The following TRHDE variants were observed in gnomAD, a reference collection of about 807,000 sequenced individuals.
TRHDE encodes thyrotropin releasing hormone degrading enzyme.
TRHDE carries 72 observed loss-of-function variants against 125.7 expected under a neutral mutation model. The observed-to-expected ratio is 0.57, with a 90% confidence interval of 0.47 to 0.70. TRHDE has a LOEUF of 0.70. TRHDE is among the 30% of genes least tolerant of loss of function. The pLI is 0.00. For missense variants in TRHDE, 1,110 were observed against 1,327.1 expected (o/e 0.84, Z 2.54); for synonymous variants, 509 against 509.1 (o/e 1.00, Z 0.00).
chr12:72,524,176 G>A (rs1242660865), intron 6 of TRHDE, among the ~76,000 whole-genome samples: 1 of 152,130 alleles, frequency 6.6e-6, no homozygotes, highest in Non-Finnish European at 1.5e-5. Context: ...ACAGCTGAAG[G>A]TGGTTTGATG....
chr12:72,403,907 C>G (rs1873153351), intron 3 of TRHDE, among the ~76,000 whole-genome samples: 1 of 152,064 alleles, frequency 6.6e-6, no homozygotes, highest in South Asian at 2.1e-4. Flanking sequence ...TTTCAGCAGG[C>G]ATTTCTGATT....
chr12:72,380,313 C>T (rs1389050864), intron 3 of TRHDE, among the ~76,000 whole-genome samples: 3 of 152,084 alleles, frequency 2.0e-5, no homozygotes, highest in Non-Finnish European at 4.4e-5. Flanking sequence ...TGAAGACAGA[C>T]ATTAAAGCAA....
At chr12:72,458,530 A>G (rs760495824) in intron 3 of TRHDE, among the ~76,000 whole-genome samples, 61 of 151,956 alleles carry the variant, frequency 4.0e-4, no homozygotes, top group Admixed American at 4.0e-3. Flanking sequence ...GTCTCCTCCC[A>G]TCTATGTGTT....
intron 6 of TRHDE, among the ~76,000 whole-genome samples, chr12:72,516,500 C>CT (rs1365331063): frequency 5.9e-5 from 9 of 152,062 alleles, no homozygotes; most frequent in African/African-American, 2.2e-4. Context: ...ATTTTGTATC[C>CT]TGAGACTTTG....
intron 2 of TRHDE, chr12:72,262,942 A>G (rs1178734889): frequency 6.6e-6 from 1 of 152,152 alleles, no homozygotes; most frequent in East Asian, 1.9e-4. Context: ...TCTTTAGTGC[A>G]GTCTCATTTT....
At chr12:72,120,667 T>C (rs1875556871) in intron 2 of TRHDE, among the ~76,000 whole-genome samples, 1 of 148,580 alleles carries the variant, frequency 6.7e-6, no homozygotes, top group African/African-American at 2.5e-5. Flanking sequence ...ATCCTCCTAC[T>C]CTTTAACTTT....
At chr12:72,572,047 G>A (rs649800) in intron 10 of TRHDE, among the ~76,000 whole-genome samples, 3 of 139,576 alleles carry the variant, frequency 2.1e-5, no homozygotes, top group Non-Finnish European at 3.1e-5. Flanking sequence ...ATTGCTTTAC[G>A]GATCTGTCAG....
Position 72,093,017 on chromosome 12 carries a change from G to C in TRHDE, n.174+5578G>C, listed in dbSNP as rs559390289. On this transcript the variant is annotated intron_variant and non_coding_transcript_variant, in intron 1 of 4. Coordinates refer to the TRHDE transcript ENST00000548156. ...CCCTGTGAGAAGGAGATTAAGTTTT[G>C]ATAGTAGGAGCCCTCAGCATGCACT... Among the ~76,000 whole-genome samples, 3 of 152,276 alleles carry C rather than the reference G, an allele frequency of 2.0e-5. No individual in the cohort carries two copies. In the South Asian group the frequency reaches 6.2e-4, roughly 32 times the overall value.
intron 2 of TRHDE, among the ~76,000 whole-genome samples, chr12:72,164,470 T>C (rs1876702111): frequency 6.6e-6 from 1 of 152,132 alleles, no homozygotes; most frequent in Non-Finnish European, 1.5e-5. Context: ...AATAGGGTCT[T>C]ACATGCAGGG....
intron 9 of TRHDE, among the ~76,000 whole-genome samples, chr12:72,567,901 G>A (rs1432907872): frequency 6.6e-6 from 1 of 152,034 alleles, no homozygotes; most frequent in African/African-American, 2.4e-5. Context: ...GTTACAAAAT[G>A]CTTCTTTTTA....
intron 6 of TRHDE, among the ~76,000 whole-genome samples, chr12:72,525,541 A>G (rs74103379): frequency 0.015 from 2,256 of 151,830 alleles, 58 homozygotes; most frequent in African/African-American, 0.052. Flanking sequence ...TGCCTTTACC[A>G]TATATAATCA....
At chr12:72,502,746 G>A (rs1642275045) in intron 6 of TRHDE, among the ~76,000 whole-genome samples, 1 of 152,100 alleles carries the variant, frequency 6.6e-6, no homozygotes, top group African/African-American at 2.4e-5. Context: ...CTTTCTTGAT[G>A]GGCCTTCATT....
chr12:72,499,433 T>C, intron 5 of TRHDE, 65 bp from the exon 6 acceptor site: 1 of 1,557,674 alleles, frequency 6.4e-7, no homozygotes, highest in East Asian at 2.3e-5. Flanking sequence ...ATTATGTTCA[T>C]GTCATCATAT....
chr12:72,187,098 CAAG>C lies in TRHDE; in HGVS notation n.279+81350_279+81352del, dbSNP rs1361033562. On this transcript the variant is annotated intron_variant and non_coding_transcript_variant, in intron 2 of 4. Transcript: ENST00000548156. The stretch of plus-strand genomic sequence containing the variant: ...AGAAACAGAATTTTGACATTCAGTA[CAAG>C]AAGTACTTGATATTGAGGCAACTTT... 5.9e-5 allele frequency among the ~76,000 whole-genome samples: 9 copies of C among 152,110 alleles called. No homozygotes were observed. In the East Asian group the frequency reaches 1.4e-3, roughly 23 times the overall value.
intron 3 of TRHDE, among the ~76,000 whole-genome samples, chr12:72,461,980 G>T (rs1876146394): frequency 6.6e-6 from 1 of 152,094 alleles, no homozygotes; most frequent in South Asian, 2.1e-4. Context: ...TGCAAAGCGG[G>T]TACTGTTAAT....
chr12:72,252,539 T>C (rs1369852866), intron 2 of TRHDE, among the ~76,000 whole-genome samples: 1 of 152,152 alleles, frequency 6.6e-6, no homozygotes, highest in Non-Finnish European at 1.5e-5. Context: ...TCTTGAGTAC[T>C]GTTACTGTAT....
chr12:72,202,637 T>A (rs1877582603), intron 2 of TRHDE, among the ~76,000 whole-genome samples: 1 of 152,166 alleles, frequency 6.6e-6, no homozygotes. Flanking sequence ...CTGGAATTAT[T>A]CTAATGTGAA....
At chr12:72,644,209 A>G (rs1302661347) in intron 15 of TRHDE, among the ~76,000 whole-genome samples, 1 of 152,160 alleles carries the variant, frequency 6.6e-6, no homozygotes, top group African/African-American at 2.4e-5. Flanking sequence ...CAGGACACAC[A>G]TTTATCAGAA....
intron 1 of TRHDE, among the ~76,000 whole-genome samples, chr12:72,098,554 A>G (rs1874991365): frequency 6.6e-6 from 1 of 152,152 alleles, no homozygotes; most frequent in Non-Finnish European, 1.5e-5. Flanking sequence ...AATTTGGGCC[A>G]GATTTGTTTT....
Sources: allele counts gnomAD v4.1 joint callset (sites outside exome capture counted in the v4.1 genomes callset), GRCh38; gene constraint gnomAD v4.1.1; transcripts MANE v1.5; gene names NCBI Gene and HGNC (gene_info 2026-07-23, HGNC 2026-07-21).